NFATC1: variants seen among roughly 807,000 people sequenced by gnomAD.
NFATC1 encodes the protein nuclear factor of activated T-cells, cytoplasmic 1.
In NFATC1, 22 loss-of-function variants were observed where a neutral mutation model predicts 76.0. The observed-to-expected ratio is 0.29, with a 90% CI of 0.21 to 0.41. The LOEUF is 0.41. NFATC1 is among the 10% of genes least tolerant of loss of function. The pLI, the probability that NFATC1 is intolerant of heterozygous loss-of-function variation, is 1.00. For missense variants in NFATC1, 1,357 were observed against 1,337.7 expected (o/e 1.01, Z -0.23); for synonymous variants, 704 against 613.1 (o/e 1.15, Z -2.19).
chr18:79,442,561 G>A (rs1381311761), intron 3 of NFATC1, among the ~76,000 whole-genome samples: 3 of 152,238 alleles, frequency 2.0e-5, no homozygotes, highest in South Asian at 4.1e-4. Flanking sequence ...CTTGGAGCCG[G>A]GGTCCGGGAA....
rs542691184 is a variant in NFATC1, at chr18:79,484,744, C to G, written c.2093-1504C>G. Among the ~76,000 whole-genome samples, 8 of 152,346 alleles carry G rather than the reference C, an allele frequency of 5.3e-5. No individual in the cohort carries two copies. In the South Asian group the frequency reaches 1.7e-3, roughly 32 times the overall value. Reference sequence around the variant, plus strand: ...GCTGGTGAGATCCTACAGCTGGGAACGGCCCATATGGGTCAGTCCCTGTGA... The same window carrying G: ...GCTGGTGAGATCCTACAGCTGGGAAGGGCCCATATGGGTCAGTCCCTGTGA... On this transcript the variant is annotated intron_variant, in intron 8 of 9. Transcript: ENST00000427363.
At chr18:79,411,526 C>CGGGGA (rs749431312) in intron 2 of NFATC1, 25 bp downstream of exon 2, 1 of 1,369,620 alleles carries the variant, frequency 7.3e-7, no homozygotes, top group Non-Finnish European at 9.5e-7. Flanking sequence ...CGGGGCGGGA[C>CGGGGA]GGGGAGGCGA....
chr18:79,463,048 C>T (rs776259199), intron 7 of NFATC1, among the ~76,000 whole-genome samples: 2 of 152,234 alleles, frequency 1.3e-5, no homozygotes, highest in South Asian at 2.1e-4. Flanking sequence ...CAGAAAGCAG[C>T]GTCTTCCACC....
At chr18:79,505,342 C>T (rs71359472) in intron 9 of NFATC1, among the ~76,000 whole-genome samples, 11 of 1,024 alleles carry the variant, frequency 0.011, no homozygotes, top group East Asian at 0.034. Flanking sequence ...GAGACTGCTG[C>T]GTGGGAGGAG....
chr18:79,429,499 C>G (rs1350293610), intron 2 of NFATC1, among the ~76,000 whole-genome samples: 2 of 152,090 alleles, frequency 1.3e-5, no homozygotes, highest in African/African-American at 4.8e-5. Context: ...AGTTGCCGTT[C>G]CGGGGGATGG....
intron 1 of NFATC1, among the ~76,000 whole-genome samples, 155 bp downstream of exon 1, chr18:79,396,506 C>A (rs1397017807): frequency 6.6e-6 from 1 of 151,922 alleles, no homozygotes; most frequent in African/African-American, 2.4e-5. Flanking sequence ...CGGCGCGGAC[C>A]GGGAACGGCG....
At chr18:79,406,986 T>C (rs2085464663) in intron 1 of NFATC1, among the ~76,000 whole-genome samples, 1 of 152,170 alleles carries the variant, frequency 6.6e-6, no homozygotes, top group African/African-American at 2.4e-5. Flanking sequence ...GCGGGTCTGA[T>C]GCAGCCGGCT....
intron 2 of NFATC1, among the ~76,000 whole-genome samples, chr18:79,414,139 T>G (rs950260295): frequency 1.3e-5 from 2 of 152,012 alleles, no homozygotes; most frequent in African/African-American, 4.8e-5. Context: ...AGAGATGAAA[T>G]GTTAGTTTTT....
chr18:79,397,323 C>T (rs1337720662), intron 1 of NFATC1, among the ~76,000 whole-genome samples: 1 of 152,252 alleles, frequency 6.6e-6, no homozygotes, highest in African/African-American at 2.4e-5. Flanking sequence ...TAAAGAGCGC[C>T]AGCACACCTG....
intron 9 of NFATC1, among the ~76,000 whole-genome samples, chr18:79,518,514 G>A (rs2090439496): frequency 6.6e-6 from 1 of 152,232 alleles, no homozygotes; most frequent in Admixed American, 6.5e-5. Flanking sequence ...TCTCGCTCGT[G>A]AAAGATGCAG....
intron 9 of NFATC1, 158 bp from the exon 10 acceptor site, chr18:79,527,370 A>T: frequency 1.6e-6 from 1 of 619,348 alleles, no homozygotes; most frequent in Non-Finnish European, 2.8e-6. Flanking sequence ...GGCTCACGAC[A>T]CTCATGGACC....
At chr18:79,413,414 T>C (rs1452907713) in intron 2 of NFATC1, among the ~76,000 whole-genome samples, 1 of 152,252 alleles carries the variant, frequency 6.6e-6, no homozygotes, top group African/African-American at 2.4e-5. Flanking sequence ...AGCATCTGCC[T>C]GACCTGTCTC....
At chr18:79,454,737 G>T (rs1456419123) in intron 6 of NFATC1, among the ~76,000 whole-genome samples, 1 of 152,260 alleles carries the variant, frequency 6.6e-6, no homozygotes, top group South Asian at 2.1e-4. Context: ...TGTTCTTCCA[G>T]GAGGCAGGTT....
chr18:79,474,646 ACT>A (rs1386944107), intron 8 of NFATC1, among the ~76,000 whole-genome samples: 2 of 141,058 alleles, frequency 1.4e-5, no homozygotes, highest in Non-Finnish European at 3.0e-5. Context: ...TCTCACACTC[ACT>A]GTCAACGTTG....
Position 79,437,500 on chromosome 18 carries a change from G to A in NFATC1, c.1386+3762G>A, listed in dbSNP as rs534797642. 8.5e-5 allele frequency among the ~76,000 whole-genome samples: 13 copies of A among 152,332 alleles called. No individual in the cohort carries two copies. The East Asian group carries it at 1.7e-3, about 20-fold the overall frequency. ...CTGGATCTGCCGATGCCGGGACCTC[G>A]CCAGGCCGCTGGTTGCAGGGGAGGC... On this transcript the variant is annotated intron_variant, in intron 3 of 9. Transcript: ENST00000427363.
chr18:79,445,237 C>A (rs1487872702), intron 3 of NFATC1, among the ~76,000 whole-genome samples: 1 of 152,248 alleles, frequency 6.6e-6, no homozygotes. Context: ...CCGTGGGTCA[C>A]GTGGGCCTGG....
intron 9 of NFATC1, among the ~76,000 whole-genome samples, chr18:79,520,233 G>A (rs942906457): frequency 7.3e-6 from 1 of 137,884 alleles, no homozygotes; most frequent in African/African-American, 2.5e-5. Context: ...AGGTCCGGAC[G>A]AAATGTTGGA....
chr18:79,444,162 G>T (rs1401829817), intron 3 of NFATC1, among the ~76,000 whole-genome samples: 4 of 152,230 alleles, frequency 2.6e-5, no homozygotes, highest in African/African-American at 9.6e-5. Flanking sequence ...CAGTGAGCTG[G>T]TGCCAGTGGG....
intron 1 of NFATC1, among the ~76,000 whole-genome samples, chr18:79,404,769 C>T (rs959786372): frequency 3.3e-5 from 5 of 152,290 alleles, no homozygotes; most frequent in African/African-American, 9.6e-5. Context: ...TCCTGCCCTG[C>T]GCACAGCGAG....
Sources: allele counts gnomAD v4.1 joint callset (sites outside exome capture counted in the v4.1 genomes callset), GRCh38; gene constraint gnomAD v4.1.1; transcripts MANE v1.5; gene names NCBI Gene and HGNC (gene_info 2026-07-23, HGNC 2026-07-21).